The following NRP2 variants were observed in gnomAD, a reference collection of about 807,000 sequenced individuals.
NRP2 encodes neuropilin 2, also known as neuropilin-2.
NRP2 carries 52 observed loss-of-function variants against 110.4 expected under a neutral mutation model. The observed-to-expected ratio is 0.47, with a 90% CI of 0.38 to 0.59. The LOEUF is 0.59. Ranked by LOEUF, NRP2 falls within the 20% of genes least tolerant of loss-of-function variation. NRP2 has a pLI of 0.00. For synonymous variants in NRP2, 508 were observed against 468.9 expected (o/e 1.08, Z -1.08); for missense variants, 1,049 against 1,203.0 (o/e 0.87, Z 1.89).
chr2:205,727,884 T>C lies in NRP2; in HGVS notation c.991-7T>C. The C allele has an allele frequency of 3.1e-6, 5 of 1,611,864 alleles. No individual in the cohort carries two copies. Among genetic ancestry groups the C allele is most frequent in the Non-Finnish European group, 4.2e-6 (5 of 1,178,992 alleles). ...GTGGTCTCTTACTCCAGCCCTCTATTCCCCAGGTGGACCTGCGCTTTTTAA... is the reference window on the plus strand; with the variant it reads ...GTGGTCTCTTACTCCAGCCCTCTATCCCCCAGGTGGACCTGCGCTTTTTAA... On this transcript the variant is annotated splice_region_variant and splice_polypyrimidine_tract_variant and intron_variant, in intron 6 of 16. Transcript: ENST00000357785.
Position 205,716,275 on chromosome 2 carries a change from A to T in NRP2, c.334A>T (p.Thr112Ser). 6.2e-7 allele frequency: 1 copy of T among 1,614,158 alleles called. No individual in the cohort carries two copies. Among genetic ancestry groups the T allele is most frequent in the South Asian group, 1.1e-5 (1 of 91,080 alleles). Reference sequence around the variant, plus strand: ...ACACTGTGGGAACATCGCCCCGCCCACCATCATCTCCTCGGGCTCCATGCT... The same window carrying T: ...ACACTGTGGGAACATCGCCCCGCCCTCCATCATCTCCTCGGGCTCCATGCT... ...GKHCGNIAPP[T>S]IISSGSMLYI... The change falls in exon 3 of 17, where the codon ACC becomes TCC. Residue 112 changes from threonine (T) to serine (S), a missense_variant. Physicochemically the swap from Thr to Ser is moderately conservative, Grantham distance 58. Transcript: ENST00000357785.
At chr2:205,737,214 TC>T (rs1391220986) in intron 7 of NRP2, among the ~76,000 whole-genome samples, 2 of 152,210 alleles carry the variant, frequency 1.3e-5, no homozygotes, top group African/African-American at 4.8e-5. Context: ...TGGGCACTAT[TC>T]AAAGTGTATA....
intron 15 of NRP2, among the ~76,000 whole-genome samples, chr2:205,771,720 G>A (rs949267410): frequency 1.1e-4 from 16 of 152,188 alleles, no homozygotes; most frequent in African/African-American, 3.4e-4. Flanking sequence ...GAAGAGGACT[G>A]TTTCCTCTTC....
At chr2:205,696,785 A>T (rs868589122) in intron 1 of NRP2, among the ~76,000 whole-genome samples, 14 of 152,214 alleles carry the variant, frequency 9.2e-5, no homozygotes, top group Non-Finnish European at 2.9e-5. Flanking sequence ...CGCAGAAGAA[A>T]CAGATGTTCA....
chr2:205,769,505 T>TATACACACACACAC (rs1553597979), intron 15 of NRP2, among the ~76,000 whole-genome samples: 1 of 145,100 alleles, frequency 6.9e-6, no homozygotes, highest in Non-Finnish European at 1.5e-5. Context: ...TATACATACA[T>TATACACACACACAC]ACACACACAC....
intron 11 of NRP2, 74 bp downstream of exon 11, chr2:205,749,915 G>A (rs1575625414): frequency 1.7e-6 from 2 of 1,171,504 alleles, no homozygotes; most frequent in East Asian, 2.4e-5. Context: ...GCTGGACAGG[G>A]ACCTAGTGGT....
chr2:205,721,616 A>G (rs1344176613), intron 3 of NRP2, among the ~76,000 whole-genome samples: 1 of 152,146 alleles, frequency 6.6e-6, no homozygotes, highest in Non-Finnish European at 1.5e-5. Flanking sequence ...TCCTGCTGCC[A>G]TCCAAGCTCG....
At chr2:205,719,549 T>C (rs1273351204) in intron 3 of NRP2, among the ~76,000 whole-genome samples, 1 of 151,752 alleles carries the variant, frequency 6.6e-6, no homozygotes, top group African/African-American at 2.4e-5. Flanking sequence ...TGTGTGTGTG[T>C]GTGTTTGGTT....
intron 2 of NRP2, among the ~76,000 whole-genome samples, chr2:205,711,907 A>G (rs2056806080): frequency 6.6e-6 from 1 of 152,196 alleles, no homozygotes; most frequent in Non-Finnish European, 1.5e-5. Context: ...CCTGCTGGGA[A>G]GTGTCAAGCG....
rs368857132 is a variant in NRP2 at position 205,725,996 on chromosome 2, G to A, written c.904G>A (p.Gly302Arg). 49 of 1,614,108 alleles carry A rather than the reference G, an allele frequency of 3.0e-5. No individual in the cohort carries two copies. The highest frequency in any genetic ancestry group is 2.1e-4 in the South Asian group (19 of 91,084). ...CAGTGCCTCATCTACCTACTCTGAT[G>A]GGAGGTGGACCCCTCAACAAAGCCG... is the stretch of plus-strand genomic sequence containing the variant. ...QISASSTYSD[G>R]RWTPQQSRLH... The change falls in exon 6 of 17, where the codon GGG becomes AGG. Residue 302 changes from glycine (G) to arginine (R), a missense_variant. Physicochemically the swap from Gly to Arg is moderately radical, Grantham distance 125. Coordinates refer to ENST00000357785, the MANE Select transcript of NRP2 (RefSeq NM_003872.3). The surrounding 1 kb of genome is among the most constrained non-coding windows in gnomAD (Gnocchi z 4.1).
intron 1 of NRP2, among the ~76,000 whole-genome samples, chr2:205,694,696 AC>A (rs2056386473): frequency 6.6e-6 from 1 of 152,234 alleles, no homozygotes; most frequent in Non-Finnish European, 1.5e-5. Flanking sequence ...ATAAAGACCT[AC>A]AAAGTAATGG....
At chr2:205,735,717 T>C (rs933663049) in intron 7 of NRP2, among the ~76,000 whole-genome samples, 1 of 152,032 alleles carries the variant, frequency 6.6e-6, no homozygotes, top group Non-Finnish European at 1.5e-5. Context: ...CAGGAAATGC[T>C]GATGGTTTTC....
Position 205,725,094 on chromosome 2 carries a change from G to A in NRP2, c.821-819G>A, listed in dbSNP as rs915557502. On this transcript the variant is annotated intron_variant, in intron 5 of 16. Transcript: ENST00000357785. The surrounding 1 kb of genome is among the most constrained non-coding windows in gnomAD (Gnocchi z 4.1). ...CGGCAGCCTGGCCTGCAGGAAGGTT[G>A]CTGGGTTTTGCATTTGTTTTTTCAT... Among the ~76,000 whole-genome samples the A allele has an allele frequency of 6.6e-6, 1 of 152,212 alleles. No individual in the cohort carries two copies. The highest frequency in any genetic ancestry group is 2.4e-5 in the African/African-American group (1 of 41,452).
At chr2:205,711,676 G>C (rs1167478511) in intron 2 of NRP2, among the ~76,000 whole-genome samples, 1 of 152,214 alleles carries the variant, frequency 6.6e-6, no homozygotes, top group Non-Finnish European at 1.5e-5. Flanking sequence ...CTTGGGCAGA[G>C]ATGTTCTGAT....
intron 10 of NRP2, among the ~76,000 whole-genome samples, chr2:205,749,426 A>G (rs12999827): frequency 0.58 from 87,739 of 152,022 alleles, 27,130 homozygotes; most frequent in Non-Finnish European, 0.71. Flanking sequence ...CGTCGCCTGT[A>G]GCCCCCTCCA....
At chr2:205,717,798 G>A (rs1419248312) in intron 3 of NRP2, among the ~76,000 whole-genome samples, 1 of 152,176 alleles carries the variant, frequency 6.6e-6, no homozygotes, top group Non-Finnish European at 1.5e-5. Context: ...CCGAGCAGTG[G>A]GGAGAATAAA....
At chr2:205,717,096 G>A (rs2056913527) in intron 3 of NRP2, among the ~76,000 whole-genome samples, 1 of 152,020 alleles carries the variant, frequency 6.6e-6, no homozygotes. Context: ...ACTAAATACA[G>A]CAGACTTTTA....
chr2:205,753,443 A>G (rs941420282), intron 12 of NRP2, among the ~76,000 whole-genome samples: 4 of 152,186 alleles, frequency 2.6e-5, no homozygotes, highest in African/African-American at 9.7e-5. Context: ...CACCAAGTCA[A>G]TTTGAGGGAC....
chr2:205,710,558 G>A (rs2056775885), intron 2 of NRP2, among the ~76,000 whole-genome samples: 1 of 152,218 alleles, frequency 6.6e-6, no homozygotes, highest in African/African-American at 2.4e-5. Context: ...TAAAAAGTCT[G>A]ACCTGACAGT....
Sources: allele counts gnomAD v4.1 joint callset (sites outside exome capture counted in the v4.1 genomes callset), GRCh38; gene constraint gnomAD v4.1.1; non-coding constraint Gnocchi (gnomAD v3.1); transcripts MANE v1.5; gene names NCBI Gene and HGNC (gene_info 2026-07-23, HGNC 2026-07-21).